C19orf33: variants seen among roughly 807,000 people sequenced by gnomAD.
The protein encoded by C19orf33 is chromosome 19 open reading frame 33, also known as immortalization up-regulated protein.
Under a neutral mutation model 9.7 loss-of-function variants are expected in C19orf33, and 9 were observed. That is an observed-to-expected ratio of 0.93 (90% CI 0.56 to 1.61). The LOEUF (loss-of-function observed/expected upper bound fraction) is 1.61, where lower values mean the gene tolerates loss of function less well. Among genes scored for constraint, C19orf33 ranks in the 40% most tolerant of loss-of-function variants. The pLI, the probability that C19orf33 is intolerant of heterozygous loss-of-function variation, is 0.00. For missense variants in C19orf33, 145 were observed against 137.9 expected (o/e 1.05, Z -0.26); for synonymous variants, 61 against 54.8 (o/e 1.11, Z -0.50).
At chr19:38,304,516 G>T (rs1284189608) in intron 2 of C19orf33, 26 bp downstream of exon 2, 2 of 1,563,710 alleles carry the variant, frequency 1.3e-6, no homozygotes, top group Non-Finnish European at 1.7e-6. Flanking sequence ...ACCGGCTGCG[G>T]AGGGGCGGGA....
In C19orf33 at chr19:38,304,914, A is replaced by C; in HGVS notation, c.271A>C (p.Lys91Gln). 1 of 1,558,518 alleles carries C rather than the reference A, an allele frequency of 6.4e-7. No homozygotes were observed. Among genetic ancestry groups the C allele is most frequent in the Non-Finnish European group, 8.8e-7 (1 of 1,137,456 alleles). Reference sequence around the variant, plus strand: ...GGCCAAGAAGCCCAAAGTGAAGAAGAAGGAGAAGGGCAAGAAGGAGAAGGG... The same window carrying C: ...GGCCAAGAAGCCCAAAGTGAAGAAGCAGGAGAAGGGCAAGAAGGAGAAGGG... Reference protein sequence around the residue: ...GKAKKPKVKKKEKGKKEKGKK... With the variant: ...GKAKKPKVKKQEKGKKEKGKK... The change falls in exon 4 of 4, where the codon AAG becomes CAG. Residue 91 changes from lysine (K) to glutamine (Q), a missense_variant. By Grantham distance (53) the Lys-to-Gln change is moderately conservative. Coordinates refer to ENST00000301246, the MANE Select transcript of C19orf33 (RefSeq NM_033520.3).
chr19:38,304,599 G>C (rs570266275), intron 2 of C19orf33, 25 bp from the exon 3 acceptor site: 3 of 1,612,954 alleles, frequency 1.9e-6, no homozygotes, highest in South Asian at 2.2e-5. Flanking sequence ...AAGGGGCGCC[G>C]CCTCACTGCC....
At chr19:38,304,319 G>A (rs1968886318) in intron 1 of C19orf33, 36 bp downstream of exon 1, 1 of 1,613,212 alleles carries the variant, frequency 6.2e-7, no homozygotes, top group Admixed American at 1.7e-5. Flanking sequence ...GAGGTGCAGG[G>A]GGCCGGACTC....
rs1236963252 is a variant in C19orf33, at chr19:38,304,405, T to TG, written c.58dup (p.Ala20GlyfsTer?). The TG allele has an allele frequency of 6.4e-7, 1 of 1,570,530 alleles. No individual in the cohort carries two copies. Among genetic ancestry groups the TG allele is most frequent in the South Asian group, 1.2e-5 (1 of 86,072 alleles). On this transcript the variant is annotated frameshift_variant, in exon 2 of 4. Transcript: ENST00000301246. LOFTEE classifies it high-confidence loss of function. ...GAGCCCACCTCCCAGAAGCCCGGTG[T>TG]GGGGGCGGGCCACGGGGGAGATCCC...
chr19:38,304,401 G>A lies in C19orf33; in HGVS notation c.49G>A (p.Gly17Ser), dbSNP rs371716289. Residue 17 changes from glycine (G) to serine (S), a missense_variant, in exon 2 of 4, where the codon GGT becomes AGT. Gly to Ser is a moderately conservative substitution (Grantham distance 56). Coordinates refer to ENST00000301246, the MANE Select transcript of C19orf33 (RefSeq NM_033520.3). ...AALEPTSQKP[G>S]VGAGHGGDPK... ...CCTGGAGCCCACCTCCCAGAAGCCC[G>A]GTGTGGGGGCGGGCCACGGGGGAGA... 12 of 1,573,266 alleles carry A rather than the reference G, an allele frequency of 7.6e-6. No individual in the cohort carries two copies. Among genetic ancestry groups the A allele is most frequent in the African/African-American group, 2.7e-5 (2 of 74,278 alleles).
intron 3 of C19orf33, 34 bp downstream of exon 3, chr19:38,304,720 GCCCTGCAC>G: frequency 6.2e-7 from 1 of 1,613,524 alleles, no homozygotes; most frequent in Non-Finnish European, 8.5e-7. Flanking sequence ...CCAAGCACGT[GCCCTGCAC>G]CCCAGAGAGG....
In C19orf33 at chr19:38,304,831, C is replaced by A; in HGVS notation, c.202-14C>A. ...ACCATCTCTTCTCTCCCATCCCTGC[C>A]CTCGGCCCCACAGTCCCACGCTGCT... On this transcript the variant is annotated splice_polypyrimidine_tract_variant and intron_variant, in intron 3 of 3. Transcript: ENST00000301246. The A allele has an allele frequency of 6.2e-7, 1 of 1,613,690 alleles. No homozygotes were observed. The highest frequency in any genetic ancestry group is 8.5e-7 in the Non-Finnish European group (1 of 1,179,980).
chr19:38,304,995 C>T lies in C19orf33; in HGVS notation c.*31C>T. 1.3e-6 allele frequency: 2 copies of T among 1,571,204 alleles called. No individual in the cohort carries two copies. Among genetic ancestry groups the T allele is most frequent in the Non-Finnish European group, 1.7e-6 (2 of 1,158,654 alleles). On this transcript the variant is annotated 3_prime_UTR_variant, in exon 4 of 4. Coordinates refer to ENST00000301246, the MANE Select transcript of C19orf33 (RefSeq NM_033520.3). ...CCTGGACAGGGCTCATTAAACCTTC[C>T]TCTCTGCCTTCTGCGACTGGTCAGC...
Position 38,304,935 on chromosome 19 carries a change from A to C in C19orf33, c.292A>C (p.Lys98Gln). 1 of 1,611,322 alleles carries C rather than the reference A, an allele frequency of 6.2e-7. No homozygotes were observed. The highest frequency in any genetic ancestry group is 1.1e-5 in the South Asian group (1 of 90,844). Reference protein sequence around the residue: ...VKKKEKGKKEKGKKKEAPH With the variant: ...VKKKEKGKKEQGKKKEAPH Reference sequence around the variant, plus strand: ...GAAGAAGGAGAAGGGCAAGAAGGAGAAGGGCAAGAAGAAGGAGGCTCCCCA... The same window carrying C: ...GAAGAAGGAGAAGGGCAAGAAGGAGCAGGGCAAGAAGAAGGAGGCTCCCCA... Residue 98 changes from lysine to glutamine, a missense_variant, in exon 4 of 4, where the codon AAG becomes CAG. Coordinates refer to ENST00000301246, the MANE Select transcript of C19orf33 (RefSeq NM_033520.3).
At chr19:38,304,308 G>C in intron 1 of C19orf33, 25 bp downstream of exon 1, 1 of 1,613,642 alleles carries the variant, frequency 6.2e-7, no homozygotes, top group Non-Finnish European at 8.5e-7. Context: ...AGTGTGGACT[G>C]GAGGTGCAGG....
chr19:38,304,917 G>GAGAAGGGCAAGA lies in C19orf33; in HGVS notation c.277_288dup (p.Lys93_Lys96dup). On this transcript the variant is annotated inframe_insertion, in exon 4 of 4. Transcript: ENST00000301246. ...CAAGAAGCCCAAAGTGAAGAAGAAG[G>GAGAAGGGCAAGA]AGAAGGGCAAGAAGGAGAAGGGCAA... 6.3e-7 allele frequency: 1 copy of GAGAAGGGCAAGA among 1,595,490 alleles called. No homozygotes were observed. The highest frequency in any genetic ancestry group is 1.4e-5 in the African/African-American group (1 of 70,660).
chr19:38,304,884 G>C lies in C19orf33; in HGVS notation c.241G>C (p.Gly81Arg), dbSNP rs376043011. ...CTCCAAGCAGCACGAGAGCATCCCG[G>C]GCAAGGCCAAGAAGCCCAAAGTGAA... ...AGSKQHESIP[G>R]KAKKPKVKKK... The change falls in exon 4 of 4, where the codon GGC (glycine) becomes CGC (arginine). Residue 81 changes from glycine (G) to arginine (R), a missense_variant. Transcript: ENST00000301246. 3 of 1,612,130 alleles carry C rather than the reference G, an allele frequency of 1.9e-6. No homozygotes were observed. The highest frequency in any genetic ancestry group is 2.5e-6 in the Non-Finnish European group (3 of 1,179,262).
rs764410189 is a variant in C19orf33 at position 38,304,704 on chromosome 19, G to A, written c.201+18G>A. 6.8e-6 allele frequency: 11 copies of A among 1,613,666 alleles called. No homozygotes were observed. The highest frequency in any genetic ancestry group is 8.5e-6 in the Non-Finnish European group (10 of 1,179,968). Reference sequence around the variant, plus strand: ...ATGTGAAGGTAAGGGGCTCTCGCCAGCGTCCCCAAGCACGTGCCCTGCACC... The same window carrying A: ...ATGTGAAGGTAAGGGGCTCTCGCCAACGTCCCCAAGCACGTGCCCTGCACC... On this transcript the variant is annotated intron_variant, in intron 3 of 3. Coordinates refer to ENST00000301246, the MANE Select transcript of C19orf33 (RefSeq NM_033520.3).
rs1385329842 is a variant in C19orf33, at chr19:38,304,477, GT to G, written c.126del (p.Pro43ArgfsTer24). 30 of 1,555,662 alleles carry G rather than the reference GT, an allele frequency of 1.9e-5. No homozygotes were observed. The highest frequency in any genetic ancestry group is 2.6e-5 in the Non-Finnish European group (30 of 1,150,090). ...CAGGGCCGGTCGGAGGCAGGGGCAGGTCCGGGTCCAAAGGTAAGTCGCCTCA... is the reference window on the plus strand; with the variant it reads ...CAGGGCCGGTCGGAGGCAGGGGCAGGCCGGGTCCAAAGGTAAGTCGCCTCA... ...KVQGRSEAGA[G>X]PGPKQGHHSS... On this transcript the variant is annotated frameshift_variant, in exon 2 of 4. Transcript: ENST00000301246. LOFTEE classifies it high-confidence loss of function.
In C19orf33 at chr19:38,304,843, A is replaced by T; in HGVS notation, c.202-2A>T. 6.2e-7 allele frequency: 1 copy of T among 1,613,670 alleles called. No individual in the cohort carries two copies. The highest frequency in any genetic ancestry group is 2.2e-5 in the East Asian group (1 of 44,848). On this transcript the variant is annotated splice_acceptor_variant, in intron 3 of 3. Transcript: ENST00000301246. LOFTEE classifies it high-confidence loss of function. ...CTCCCATCCCTGCCCTCGGCCCCAC[A>T]GTCCCACGCTGCTGGCTCCAAGCAG...
chr19:38,304,476 G>T lies in C19orf33; in HGVS notation c.124G>T (p.Gly42Cys). 2 of 1,555,450 alleles carry T rather than the reference G, an allele frequency of 1.3e-6. No individual in the cohort carries two copies. The highest frequency in any genetic ancestry group is 1.7e-6 in the Non-Finnish European group (2 of 1,149,902). ...TCAGGGCCGGTCGGAGGCAGGGGCA[G>T]GTCCGGGTCCAAAGGTAAGTCGCCT... The part of the protein sequence containing the change: ...KVQGRSEAGA[G>C]PGPKQGHHSS... The change falls in exon 2 of 4, where the codon GGT becomes TGT. Residue 42 changes from glycine to cysteine, a missense_variant. Physicochemically the swap from Gly to Cys is radical, Grantham distance 159. Transcript: ENST00000301246.
Position 38,304,465 on chromosome 19 carries a change from AG to A in C19orf33, c.115del (p.Ala39GlnfsTer28). ...LSPHKVQGRS[E>X]AGAGPGPKQG... ...CCCCACAAAGTTCAGGGCCGGTCGGAGGCAGGGGCAGGTCCGGGTCCAAAGG... is the reference window on the plus strand; with the variant it reads ...CCCCACAAAGTTCAGGGCCGGTCGGAGCAGGGGCAGGTCCGGGTCCAAAGG... On this transcript the variant is annotated frameshift_variant, in exon 2 of 4. Transcript: ENST00000301246. LOFTEE classifies it high-confidence loss of function. 1 of 1,555,400 alleles carries A rather than the reference AG, an allele frequency of 6.4e-7. No individual in the cohort carries two copies. The highest frequency in any genetic ancestry group is 8.7e-7 in the Non-Finnish European group (1 of 1,149,980).
chr19:38,304,892 C>G lies in C19orf33; in HGVS notation c.249C>G (p.Ala83=). 2 of 1,589,666 alleles carry G rather than the reference C, an allele frequency of 1.3e-6. No homozygotes were observed. Among genetic ancestry groups the G allele is most frequent in the Non-Finnish European group, 1.7e-6 (2 of 1,163,418 alleles). ...AGCACGAGAGCATCCCGGGCAAGGC[C>G]AAGAAGCCCAAAGTGAAGAAGAAGG... ...SKQHESIPGK[A]KKPKVKKKEK... is the part of the protein sequence containing the mutation. The change falls in exon 4 of 4, where the codon GCC becomes GCG. Residue 83 remains alanine (A), a synonymous_variant. Coordinates refer to ENST00000301246, the MANE Select transcript of C19orf33 (RefSeq NM_033520.3).
chr19:38,304,759 C>G, intron 3 of C19orf33, 73 bp downstream of exon 3: 7 of 1,611,308 alleles, frequency 4.3e-6, no homozygotes, highest in Admixed American at 1.7e-5. Context: ...CTGGGGCTGG[C>G]GGGGAGGGTG....
Sources: allele counts gnomAD v4.1 joint callset, GRCh38; gene constraint gnomAD v4.1.1; transcripts MANE v1.5; gene names NCBI Gene and HGNC (gene_info 2026-07-23, HGNC 2026-07-21).